RNF216: variants seen among roughly 807,000 people sequenced by gnomAD.
RNF216 encodes the protein E3 ubiquitin-protein ligase RNF216.
A neutral mutation model predicts 110.8 loss-of-function variants in RNF216; 72 were observed. The ratio of observed to expected loss-of-function variants is 0.65; its 90% CI spans 0.54 to 0.79. The LOEUF (loss-of-function observed/expected upper bound fraction) is 0.79, where lower values mean the gene tolerates loss of function less well. RNF216 is among the 30% of genes least tolerant of loss of function. RNF216 has a pLI of 0.00. For missense variants in RNF216, 1,342 were observed against 1,141.2 expected, an observed-to-expected ratio of 1.18 and a Z score of -2.54; for synonymous variants, 495 against 407.5, an observed-to-expected ratio of 1.21 and a Z score of -2.59.
chr7:5,726,417 T>G (rs2128640431), intron 7 of RNF216, among the ~76,000 whole-genome samples: 1 of 152,264 alleles, frequency 6.6e-6, no homozygotes, highest in African/African-American at 2.4e-5. Context: ...CCTAACCTGC[T>G]TCCCCCACAC....
chr7:5,637,554 T>TC (rs1787468458), intron 15 of RNF216, among the ~76,000 whole-genome samples: 1 of 152,190 alleles, frequency 6.6e-6, no homozygotes, highest in Non-Finnish European at 1.5e-5. Context: ...TACATTTCTT[T>TC]CCCTTTTTTT....
At chr7:5,758,207 A>C (rs1242058729) in intron 2 of RNF216, among the ~76,000 whole-genome samples, 4 of 152,228 alleles carry the variant, frequency 2.6e-5, no homozygotes, top group Non-Finnish European at 5.9e-5. Flanking sequence ...TTGGATATAC[A>C]TGTACAGAAA....
chr7:5,778,670 C>G (rs1796910572), intron 1 of RNF216, among the ~76,000 whole-genome samples: 1 of 152,238 alleles, frequency 6.6e-6, no homozygotes, highest in Non-Finnish European at 1.5e-5. Context: ...TGGGTCCAAA[C>G]TGAGTTCAAG....
At position 5,622,485 on chromosome 7, in the gene RNF216, A is replaced by C; in HGVS notation, c.*375T>G. The C allele has an allele frequency of 5.3e-6, 1 of 187,236 alleles. No individual in the cohort carries two copies. Among genetic ancestry groups the C allele is most frequent in the Non-Finnish European group, 1.1e-5 (1 of 91,324 alleles). The allele number at this position is 187,236 out of a possible 1,614,324, so 11.6% of individuals were successfully genotyped here. A position where few individuals can be genotyped will look rare whatever the true frequency, so the allele number is the denominator to read the frequency against. The stretch of plus-strand genomic sequence containing the variant: ...GGCCCAACCGTGGGCCCCTCCAGGG[A>C]GATGCTCTCGGCTGCCTTGCTACCC... On this transcript the variant is annotated 3_prime_UTR_variant, in exon 17 of 17. Coordinates refer to ENST00000389902, the MANE Select transcript of RNF216 (RefSeq NM_207111.4).
intron 5 of RNF216, among the ~76,000 whole-genome samples, chr7:5,738,855 TATC>T (rs937525996): frequency 2.6e-5 from 4 of 152,204 alleles, no homozygotes; most frequent in Admixed American, 6.6e-5. Flanking sequence ...ACAACTCAGT[TATC>T]ATAATTCTAT....
chr7:5,727,490 G>A (rs1347445812), intron 7 of RNF216, among the ~76,000 whole-genome samples: 3 of 152,172 alleles, frequency 2.0e-5, no homozygotes, highest in Non-Finnish European at 2.9e-5. Context: ...GCTTTAGGAG[G>A]TGGAGGTGGG....
chr7:5,746,880 C>A (rs1795056395), intron 3 of RNF216, among the ~76,000 whole-genome samples: 1 of 152,116 alleles, frequency 6.6e-6, no homozygotes, highest in South Asian at 2.1e-4. Flanking sequence ...TCCTAAGACT[C>A]CAAATTACAC....
intron 3 of RNF216, among the ~76,000 whole-genome samples, chr7:5,752,151 C>T (rs1482693234): frequency 1.3e-5 from 2 of 151,736 alleles, no homozygotes; most frequent in Non-Finnish European, 2.9e-5. Context: ...CGCCACTGCA[C>T]TCCAGTCTGG....
At chr7:5,630,848 G>A (rs1039957950) in intron 15 of RNF216, among the ~76,000 whole-genome samples, 9 of 152,182 alleles carry the variant, frequency 5.9e-5, no homozygotes, top group African/African-American at 2.2e-4. Flanking sequence ...TTGCCACGCT[G>A]CAGATGAGGA....
At chr7:5,657,342 TG>T (rs1189848378) in intron 13 of RNF216, among the ~76,000 whole-genome samples, 1 of 152,070 alleles carries the variant, frequency 6.6e-6, no homozygotes, top group Non-Finnish European at 1.5e-5. Flanking sequence ...TGGAGGCAGG[TG>T]GATCACCTGA....
At chr7:5,757,792 C>T (rs1170362387) in intron 2 of RNF216, among the ~76,000 whole-genome samples, 1 of 152,126 alleles carries the variant, frequency 6.6e-6, no homozygotes, top group Non-Finnish European at 1.5e-5. Context: ...TGTTCCATAT[C>T]ATAATTCAGG....
At chr7:5,690,281 C>T (rs1269269851) in intron 13 of RNF216, among the ~76,000 whole-genome samples, 9 of 150,138 alleles carry the variant, frequency 6.0e-5, no homozygotes, top group African/African-American at 9.9e-5. Context: ...GAGCCAAGAT[C>T]GCGCCATTGC....
chr7:5,668,281 T>C (rs1270934637), intron 13 of RNF216, among the ~76,000 whole-genome samples: 1 of 150,352 alleles, frequency 6.7e-6, no homozygotes, highest in Admixed American at 6.7e-5. Context: ...TGGAGTGCAG[T>C]GGCGCAATCT....
At chr7:5,726,108 C>G (rs926278957) in intron 7 of RNF216, among the ~76,000 whole-genome samples, 1 of 152,038 alleles carries the variant, frequency 6.6e-6, no homozygotes, top group African/African-American at 2.4e-5. Context: ...GACACCCCGT[C>G]TCTACTAAAA....
chr7:5,684,972 G>GT (rs1207418286), intron 13 of RNF216, among the ~76,000 whole-genome samples: 1 of 152,130 alleles, frequency 6.6e-6, no homozygotes, highest in Non-Finnish European at 1.5e-5. Flanking sequence ...TGTGCAGGGG[G>GT]TATCAGATTT....
intron 14 of RNF216, among the ~76,000 whole-genome samples, chr7:5,646,983 G>A (rs142040572): frequency 2.6e-5 from 4 of 152,278 alleles, no homozygotes; most frequent in Middle Eastern, 3.4e-3. Context: ...AGACATGTAC[G>A]TAGTCTTCTA....
chr7:5,706,241 TGTG>T (rs1247248513), intron 13 of RNF216, among the ~76,000 whole-genome samples: 8 of 149,932 alleles, frequency 5.3e-5, no homozygotes, highest in East Asian at 3.9e-4. Context: ...AAAAAAAAAT[TGTG>T]GTGAAAACAC....
At chr7:5,768,525 T>C (rs1430511182) in intron 1 of RNF216, among the ~76,000 whole-genome samples, 1 of 152,124 alleles carries the variant, frequency 6.6e-6, no homozygotes, top group African/African-American at 2.4e-5. Flanking sequence ...TCTTTTCAAG[T>C]GTATGAGAAC....
At chr7:5,631,888 G>A (rs1227365657) in intron 15 of RNF216, among the ~76,000 whole-genome samples, 1 of 152,150 alleles carries the variant, frequency 6.6e-6, no homozygotes, top group East Asian at 1.9e-4. Context: ...CTGCCCCCAC[G>A]AGGTCCTGCT....
Sources: allele counts gnomAD v4.1 joint callset (sites outside exome capture counted in the v4.1 genomes callset), GRCh38; gene constraint gnomAD v4.1.1; transcripts MANE v1.5; gene names NCBI Gene and HGNC (gene_info 2026-07-23, HGNC 2026-07-21).